Variants in PCGF6 observed in about 807,000 individuals in gnomAD.
PCGF6 encodes the protein polycomb group RING finger protein 6.
Under a neutral mutation model 45.5 loss-of-function variants are expected in PCGF6, and 24 were observed. The observed-to-expected ratio is 0.53, with a 90% CI of 0.38 to 0.74. The LOEUF is 0.74. PCGF6 is among the 30% of genes least tolerant of loss of function. PCGF6 has a pLI of 0.00. For missense variants in PCGF6, 356 were observed against 443.2 expected (o/e 0.80, Z 1.77); for synonymous variants, 152 against 162.1 (o/e 0.94, Z 0.47).
rs1475901761 is a variant in PCGF6 at position 103,303,558 on chromosome 10, T to C, written c.*347A>G. 1.1e-5 allele frequency: 2 copies of C among 184,786 alleles called. No homozygotes were observed. The highest frequency in any genetic ancestry group is 2.4e-5 in the African/African-American group (1 of 42,428). The allele number at this position is 184,786 out of a possible 1,614,324, so 11.4% of individuals were successfully genotyped here. A position where few individuals can be genotyped will look rare whatever the true frequency, so the allele number is the denominator to read the frequency against. On this transcript the variant is annotated 3_prime_UTR_variant, in exon 10 of 10. Coordinates refer to ENST00000369847, the MANE Select transcript of PCGF6 (RefSeq NM_001011663.2). ...CTGATGCCATCCCAGAGAGCAGATA[T>C]CCCAACCACCAACTTGAAATGGCTG...
intron 9 of PCGF6, 47 bp from the exon 10 acceptor site, chr10:103,304,008 G>C (rs2093128470): frequency 2.0e-6 from 3 of 1,485,224 alleles, no homozygotes; most frequent in South Asian, 1.1e-5. Flanking sequence ...TTTCAAACCA[G>C]TAATGCAAAT....
intron 6 of PCGF6, 114 bp from the exon 7 acceptor site, chr10:103,334,066 C>T: frequency 1.4e-6 from 1 of 701,700 alleles, no homozygotes; most frequent in Non-Finnish European, 2.1e-6. Context: ...TTCTAGAACA[C>T]AGTCACCTGA....
At chr10:103,308,430 G>A (rs2093145121) in intron 9 of PCGF6, among the ~76,000 whole-genome samples, 1 of 150,712 alleles carries the variant, frequency 6.6e-6, no homozygotes, top group Non-Finnish European at 1.5e-5. Context: ...ACAGAGTCTT[G>A]CTCTGTTGCC....
At chr10:103,325,084 G>A (rs1005822561) in intron 8 of PCGF6, among the ~76,000 whole-genome samples, 1 of 151,294 alleles carries the variant, frequency 6.6e-6, no homozygotes, top group Non-Finnish European at 1.5e-5. Flanking sequence ...GCAGAGAGCC[G>A]AGATCACGCC....
At chr10:103,315,028 G>GA (rs1026050106) in intron 8 of PCGF6, among the ~76,000 whole-genome samples, 3 of 140,448 alleles carry the variant, frequency 2.1e-5, no homozygotes, top group African/African-American at 7.9e-5. Flanking sequence ...TCCATTATTT[G>GA]AAAAAATTCT....
chr10:103,326,337 T>G (rs1201638569), intron 8 of PCGF6, among the ~76,000 whole-genome samples, 197 bp downstream of exon 8: 1 of 142,394 alleles, frequency 7.0e-6, no homozygotes, highest in Non-Finnish European at 1.5e-5. Flanking sequence ...TGCAGTGAGC[T>G]GAGATCGTGC....
At position 103,314,265 on chromosome 10, in the gene PCGF6, A is replaced by G. The variant is rs1488573421; in HGVS notation, c.917T>C (p.Ile306Thr). Residue 306 changes from isoleucine (I) to threonine (T), a missense_variant, in exon 9 of 10, where the codon ATA becomes ACA. Physicochemically the swap from Ile to Thr is moderately conservative, Grantham distance 89. Coordinates refer to ENST00000369847, the MANE Select transcript of PCGF6 (RefSeq NM_001011663.2). Reference sequence around the variant, plus strand: ...CTCCAACAGGTGATCACCACAGATTATATCTACCTATGGACATGAAGAGAG... The same window carrying G: ...CTCCAACAGGTGATCACCACAGATTGTATCTACCTATGGACATGAAGAGAG... ...MGLDPACQVDIICGDHLLEQY... is the reference protein window; with the variant it reads ...MGLDPACQVDTICGDHLLEQY... 15 of 1,577,088 alleles carry G rather than the reference A, an allele frequency of 9.5e-6. No homozygotes were observed. The highest frequency in any genetic ancestry group is 1.3e-5 in the Non-Finnish European group (15 of 1,150,956).
At chr10:103,332,008 G>T (rs896021232) in intron 7 of PCGF6, among the ~76,000 whole-genome samples, 2 of 152,098 alleles carry the variant, frequency 1.3e-5, no homozygotes, top group Admixed American at 1.3e-4. Flanking sequence ...TAGCCAGGAT[G>T]GTCTTGATCT....
rs1032890420 is a variant in PCGF6 at position 103,304,106 on chromosome 10, G to A, written c.997-145C>T. On this transcript the variant is annotated intron_variant, in intron 9 of 9. Coordinates refer to ENST00000369847, the MANE Select transcript of PCGF6 (RefSeq NM_001011663.2). ...TTAAAGAAAATAAGTGGACCATATA[G>A]TTTCTTATTCACCAAACACTCCTTG... 1.9e-5 allele frequency: 11 copies of A among 594,544 alleles called. No homozygotes were observed. In the African/African-American group the frequency reaches 2.1e-4, roughly 11 times the overall value. 36.8% of individuals were successfully genotyped at this position (594,544 alleles called of 1,614,324 possible).
chr10:103,344,273 C>T (rs897619029), intron 6 of PCGF6, among the ~76,000 whole-genome samples: 139 of 139,538 alleles, frequency 1.0e-3, no homozygotes, highest in African/African-American at 3.4e-3. Flanking sequence ...ATGACAAACA[C>T]TTTTTTTTTT....
intron 5 of PCGF6, among the ~76,000 whole-genome samples, chr10:103,345,828 CA>C (rs542683602): frequency 1.5e-3 from 187 of 122,950 alleles, no homozygotes; most frequent in Middle Eastern, 4.8e-3. Context: ...AACTCTGTCT[CA>C]AAAAAAAAAA....
intron 8 of PCGF6, among the ~76,000 whole-genome samples, chr10:103,323,098 C>T (rs2093203759): frequency 6.6e-6 from 1 of 152,066 alleles, no homozygotes; most frequent in South Asian, 2.1e-4. Context: ...AGTCACTAAC[C>T]AGCTTTGTCT....
chr10:103,344,691 T>C (rs1465952334), intron 6 of PCGF6, among the ~76,000 whole-genome samples: 2 of 151,700 alleles, frequency 1.3e-5, no homozygotes, highest in Admixed American at 6.6e-5. Flanking sequence ...GCCTCCCAAG[T>C]AGCTGGGATT....
chr10:103,304,628 A>T (rs919872418), intron 9 of PCGF6, among the ~76,000 whole-genome samples: 9 of 147,362 alleles, frequency 6.1e-5, no homozygotes, highest in Non-Finnish European at 1.0e-4. Flanking sequence ...GGCGTGAGCC[A>T]GAACACCTGG....
chr10:103,318,040 A>T (rs903437812), intron 8 of PCGF6, among the ~76,000 whole-genome samples: 1 of 149,382 alleles, frequency 6.7e-6, no homozygotes, highest in African/African-American at 2.4e-5. Flanking sequence ...TACAGGCATG[A>T]GCCACCGCAC....
chr10:103,351,088 A>C lies in PCGF6; in HGVS notation c.-22T>G. On this transcript the variant is annotated 5_prime_UTR_variant, in exon 1 of 10. Coordinates refer to ENST00000369847, the MANE Select transcript of PCGF6 (RefSeq NM_001011663.2). The stretch of plus-strand genomic sequence containing the variant: ...CCATGGTCGGGAGAGACACCAGGCG[A>C]GGCGAGGCGGCGGGAGAGCGCGGGA... The C allele has an allele frequency of 7.4e-7, 1 of 1,349,310 alleles. No homozygotes were observed. Among genetic ancestry groups the C allele is most frequent in the African/African-American group, 1.5e-5 (1 of 66,554 alleles). The allele number at this position is 1,349,310 out of a possible 1,614,324, so 83.6% of individuals were successfully genotyped here. A position where few individuals can be genotyped will look rare whatever the true frequency, so the allele number is the denominator to read the frequency against.
chr10:103,304,656 CTTTTTT>C (rs34403112), intron 9 of PCGF6, among the ~76,000 whole-genome samples: 24 of 137,366 alleles, frequency 1.7e-4, no homozygotes, highest in Admixed American at 1.0e-3. Context: ...CCCAGCCCCA[CTTTTTT>C]TTTTTTTTTT....
chr10:103,347,292 T>C lies in PCGF6; in HGVS notation c.619A>G (p.Lys207Glu). 3 of 1,608,716 alleles carry C rather than the reference T, an allele frequency of 1.9e-6. No individual in the cohort carries two copies. The highest frequency in any genetic ancestry group is 2.6e-6 in the Non-Finnish European group (3 of 1,175,266). The change falls in exon 5 of 10, where the codon AAA (lysine) becomes GAA (glutamate). Residue 207 changes from lysine (K) to glutamate (E), a missense_variant. Lys to Glu is a moderately conservative substitution (Grantham distance 56, BLOSUM62 1). Around this residue, in one of 2 missense-constraint regions of PCGF6, gnomAD observed 307 missense variants for 350.1 expected, o/e 0.88. Transcript: ENST00000369847. ...TTATAGAAATCATGCATTTGCTTTT[T>C]TTCTCCTAAAAAATGATAAAACACA... ...KLVINLEERE[K>E]KQMHDFYKER...
chr10:103,304,035 G>T, intron 9 of PCGF6, 74 bp from the exon 10 acceptor site: 1 of 1,287,068 alleles, frequency 7.8e-7, no homozygotes, highest in Non-Finnish European at 1.1e-6. Context: ...GTCAAAGCTG[G>T]CTTACTTTTT....
Sources: allele counts gnomAD v4.1 joint callset (sites outside exome capture counted in the v4.1 genomes callset), GRCh38; gene constraint gnomAD v4.1.1; regional missense constraint gnomAD v4.1.1; transcripts MANE v1.5; gene names NCBI Gene and HGNC (gene_info 2026-07-23, HGNC 2026-07-21).